GALNT13: variants seen among roughly 807,000 people sequenced by gnomAD.
GALNT13 encodes UDP-GalNAc:polypeptide N-acetylgalactosaminyltransferase 13.
A neutral mutation model predicts 64.2 loss-of-function variants in GALNT13; 28 were observed. The observed-to-expected ratio is 0.44, with a 90% CI of 0.32 to 0.60. The LOEUF (loss-of-function observed/expected upper bound fraction) is 0.60. Among genes scored for constraint, GALNT13 ranks in the 20% least tolerant of loss-of-function variants. The probability of loss-of-function intolerance (pLI) is 0.05; values close to 1 mark genes in which losing one functional copy is unlikely to be tolerated. For missense variants in GALNT13, 577 were observed against 669.8 expected (o/e 0.86, Z 1.53); for synonymous variants, 214 against 224.6 (o/e 0.95, Z 0.42).
intron 9 of GALNT13, among the ~76,000 whole-genome samples, chr2:154,331,739 G>A (rs1695178619): frequency 6.6e-6 from 1 of 152,026 alleles, no homozygotes; most frequent in African/African-American, 2.4e-5. Context: ...TACATTACAT[G>A]TGGGCATCTG....
the GALNT13 span, among the ~76,000 whole-genome samples, chr2:153,556,910 A>G: frequency 1.3e-5 from 2 of 152,172 alleles, no homozygotes; most frequent in African/African-American, 2.4e-5. Flanking sequence ...TTTGTGCTAC[A>G]TATTTTTACA....
At chr2:154,117,531 A>T (rs1681660521) in intron 3 of GALNT13, among the ~76,000 whole-genome samples, 1 of 152,178 alleles carries the variant, frequency 6.6e-6, no homozygotes, top group African/African-American at 2.4e-5. Flanking sequence ...TTGGTTTTCC[A>T]TTCCCGAGCT....
At chr2:154,241,174 T>C (rs1402493946) in intron 4 of GALNT13, among the ~76,000 whole-genome samples, 1 of 151,940 alleles carries the variant, frequency 6.6e-6, no homozygotes, top group Non-Finnish European at 1.5e-5. Context: ...CCTTCTAGAG[T>C]CTGGGGGTGG....
chr2:153,834,527 T>G, the GALNT13 span, among the ~76,000 whole-genome samples: 3 of 152,154 alleles, frequency 2.0e-5, no homozygotes, highest in African/African-American at 7.2e-5. Flanking sequence ...CCAAGTGTTG[T>G]CAGCTCTTGT....
At chr2:153,760,701 G>T in the GALNT13 span, among the ~76,000 whole-genome samples, 1 of 152,064 alleles carries the variant, frequency 6.6e-6, no homozygotes, top group Admixed American at 6.5e-5. Flanking sequence ...CAAAGAACAT[G>T]TATTCTGTTA....
chr2:154,071,128 T>C (rs908730955), intron 3 of GALNT13, among the ~76,000 whole-genome samples: 14 of 152,158 alleles, frequency 9.2e-5, no homozygotes, highest in Non-Finnish European at 1.8e-4. Context: ...CAAAATAATA[T>C]TGAAAGTTTC....
chr2:153,470,422 A>C, the GALNT13 span, among the ~76,000 whole-genome samples: 4 of 152,156 alleles, frequency 2.6e-5, no homozygotes, highest in East Asian at 7.7e-4. Flanking sequence ...TTTGTTCAGC[A>C]ATTGACACAA....
chr2:153,886,285 A>G (rs1450401836), intron 1 of GALNT13, among the ~76,000 whole-genome samples: 1 of 151,482 alleles, frequency 6.6e-6, no homozygotes, highest in African/African-American at 2.4e-5. Flanking sequence ...GTATGTATGC[A>G]TGTGCCATGT....
the GALNT13 span, among the ~76,000 whole-genome samples, chr2:153,248,325 C>G: frequency 6.6e-6 from 1 of 152,172 alleles, no homozygotes; most frequent in African/African-American, 2.4e-5. Context: ...AAAATACTGA[C>G]AAACCAAATC....
chr2:154,092,564 G>A (rs1701869868), intron 3 of GALNT13, among the ~76,000 whole-genome samples: 1 of 151,954 alleles, frequency 6.6e-6, no homozygotes, highest in Non-Finnish European at 1.5e-5. Context: ...TGTCACTGTT[G>A]GCACTGCACT....
At chr2:154,037,364 CTA>C (rs1027678307) in intron 3 of GALNT13, among the ~76,000 whole-genome samples, 26 of 151,994 alleles carry the variant, frequency 1.7e-4, no homozygotes, top group Admixed American at 9.8e-4. Flanking sequence ...ATAATAAAGG[CTA>C]TATATAACAA....
At chr2:153,710,818 C>A in the GALNT13 span, among the ~76,000 whole-genome samples, 1 of 152,128 alleles carries the variant, frequency 6.6e-6, no homozygotes, top group Non-Finnish European at 1.5e-5. Context: ...CTAGTTGATA[C>A]ATTTTCTTTC....
At chr2:154,262,579 C>A (rs1690758491) in intron 8 of GALNT13, among the ~76,000 whole-genome samples, 1 of 152,138 alleles carries the variant, frequency 6.6e-6, no homozygotes, top group South Asian at 2.1e-4. Context: ...TAACATAAAT[C>A]CTAACAGCAC....
chr2:153,352,117 A>T, the GALNT13 span, among the ~76,000 whole-genome samples: 1 of 152,120 alleles, frequency 6.6e-6, no homozygotes, highest in African/African-American at 2.4e-5. Context: ...CCTCAGCAAT[A>T]TTTGTTTGTA....
the GALNT13 span, among the ~76,000 whole-genome samples, chr2:153,147,271 G>A: frequency 6.6e-6 from 1 of 151,882 alleles, no homozygotes; most frequent in Non-Finnish European, 1.5e-5. Context: ...CAAGTGCGGT[G>A]AGAATGTGGC....
At chr2:153,250,188 C>A in the GALNT13 span, among the ~76,000 whole-genome samples, 2 of 151,910 alleles carry the variant, frequency 1.3e-5, no homozygotes. Context: ...AACAAATTTA[C>A]AAGAAAAAAA....
At chr2:153,123,325 G>T in the GALNT13 span, among the ~76,000 whole-genome samples, 1 of 152,236 alleles carries the variant, frequency 6.6e-6, no homozygotes, top group Non-Finnish European at 1.5e-5. Flanking sequence ...GAGCCACTTG[G>T]CTTGTGGTAC....
upstream of GALNT13, among the ~76,000 whole-genome samples, chr2:153,868,933 G>T (rs1192527104): frequency 2.0e-5 from 3 of 152,134 alleles, no homozygotes; most frequent in South Asian, 2.1e-4. Flanking sequence ...AATTATTGTG[G>T]TTATTATTCT....
At chr2:153,669,974 G>A in the GALNT13 span, among the ~76,000 whole-genome samples, 1 of 136,238 alleles carries the variant, frequency 7.3e-6, no homozygotes, top group South Asian at 2.8e-4. Context: ...GGGGGGAGGG[G>A]CATCTGCCAT....
Sources: allele counts gnomAD v4.1 joint callset (sites outside exome capture counted in the v4.1 genomes callset), GRCh38; gene constraint gnomAD v4.1.1; transcripts MANE v1.5; gene names NCBI Gene and HGNC (gene_info 2026-07-23, HGNC 2026-07-21).